The following FHIT variants were observed in gnomAD, a reference collection of about 807,000 sequenced individuals.
FHIT encodes fragile histidine triad diadenosine triphosphatase.
Under a neutral mutation model 17.9 loss-of-function variants are expected in FHIT, and 19 were observed. The observed-to-expected ratio is 1.06, with a 90% CI of 0.74 to 1.56. FHIT has a LOEUF of 1.56. FHIT is among the 40% of genes most tolerant of loss of function. The pLI is 0.00. For missense variants in FHIT, 248 were observed against 189.2 expected (o/e 1.31, Z -1.82); for synonymous variants, 81 against 69.7 (o/e 1.16, Z -0.81).
intron 5 of FHIT, among the ~76,000 whole-genome samples, chr3:60,454,659 T>C (rs963400943): frequency 3.9e-5 from 6 of 152,100 alleles, no homozygotes; most frequent in African/African-American, 1.2e-4. Context: ...GCTGGGATTA[T>C]AGGTGTGAGC....
intron 4 of FHIT, among the ~76,000 whole-genome samples, chr3:60,811,667 A>G (rs782566800): frequency 2.6e-5 from 4 of 152,168 alleles, no homozygotes; most frequent in Non-Finnish European, 5.9e-5. Context: ...GACACCTCAC[A>G]TATAACATGG....
At chr3:60,127,218 G>T (rs1466888428) in intron 5 of FHIT, among the ~76,000 whole-genome samples, 1 of 152,168 alleles carries the variant, frequency 6.6e-6, no homozygotes, top group African/African-American at 2.4e-5. Flanking sequence ...CAACCCAGGG[G>T]AGGCTGACAG....
intron 3 of FHIT, among the ~76,000 whole-genome samples, chr3:60,987,890 C>T (rs536545592): frequency 6.6e-6 from 1 of 152,192 alleles, no homozygotes; most frequent in Non-Finnish European, 1.5e-5. Flanking sequence ...GTCCTTTGTT[C>T]TTGGTGATTT....
chr3:60,408,022 G>A (rs1701936866), intron 5 of FHIT, among the ~76,000 whole-genome samples: 1 of 152,116 alleles, frequency 6.6e-6, no homozygotes, highest in African/African-American at 2.4e-5. Flanking sequence ...ACCAATGACA[G>A]CACATGCCTC....
chr3:60,662,660 T>C (rs1349096491), intron 4 of FHIT, among the ~76,000 whole-genome samples: 1 of 152,202 alleles, frequency 6.6e-6, no homozygotes, highest in African/African-American at 2.4e-5. Flanking sequence ...TTTCACAATA[T>C]TGATTCTATC....
intron 4 of FHIT, among the ~76,000 whole-genome samples, chr3:60,741,865 T>C (rs1332565930): frequency 1.3e-5 from 2 of 152,196 alleles, no homozygotes; most frequent in Non-Finnish European, 2.9e-5. Context: ...TGGTATAATA[T>C]ATGGCAATGT....
intron 8 of FHIT, among the ~76,000 whole-genome samples, chr3:59,815,297 C>A (rs780137662): frequency 1.3e-5 from 2 of 152,044 alleles, no homozygotes; most frequent in Non-Finnish European, 2.9e-5. Context: ...TCAACTAGTA[C>A]AACCACTATG....
chr3:60,254,398 A>T (rs1705878526), intron 5 of FHIT, among the ~76,000 whole-genome samples: 1 of 152,098 alleles, frequency 6.6e-6, no homozygotes, highest in Non-Finnish European at 1.5e-5. Flanking sequence ...AAATAAAATG[A>T]TTTTTCCCAA....
At chr3:60,086,303 T>A (rs1454767274) in intron 5 of FHIT, among the ~76,000 whole-genome samples, 2 of 152,136 alleles carry the variant, frequency 1.3e-5, no homozygotes, top group African/African-American at 4.8e-5. Flanking sequence ...CCACCTCCCA[T>A]CATTGGGGAT....
intron 5 of FHIT, among the ~76,000 whole-genome samples, chr3:60,469,406 A>G (rs1334460331): frequency 6.6e-6 from 1 of 152,014 alleles, no homozygotes; most frequent in Non-Finnish European, 1.5e-5. Context: ...AAGCTCACTA[A>G]TTCTTTGTTT....
chr3:60,655,564 A>G (rs1363157424), intron 4 of FHIT, among the ~76,000 whole-genome samples: 1 of 152,230 alleles, frequency 6.6e-6, no homozygotes, highest in African/African-American at 2.4e-5. Context: ...TTAGGGCTTA[A>G]TGACAGGATG....
chr3:60,971,366 C>A (rs1169506070), intron 3 of FHIT, among the ~76,000 whole-genome samples: 8 of 152,066 alleles, frequency 5.3e-5, no homozygotes, highest in Non-Finnish European at 1.2e-4. Flanking sequence ...TGCATAATAC[C>A]ATCAAATACT....
intron 3 of FHIT, among the ~76,000 whole-genome samples, chr3:60,841,245 G>A (rs139452444): frequency 2.6e-3 from 403 of 152,296 alleles, no homozygotes; most frequent in Non-Finnish European, 4.2e-3. Flanking sequence ...CTGTCAATGT[G>A]TTAAATAAAT....
At chr3:59,867,254 G>C (rs1329248653) in intron 8 of FHIT, among the ~76,000 whole-genome samples, 1 of 149,846 alleles carries the variant, frequency 6.7e-6, no homozygotes, top group African/African-American at 2.5e-5. Flanking sequence ...TATGGAGTTT[G>C]TCCTTCCTGT....
intron 5 of FHIT, among the ~76,000 whole-genome samples, chr3:60,078,180 A>G (rs1309574779): frequency 1.3e-5 from 2 of 152,140 alleles, no homozygotes; most frequent in African/African-American, 4.8e-5. Context: ...TACATTTTCT[A>G]CAAGTATATT....
Position 60,135,309 on chromosome 3 carries a change from A to G in FHIT, c.104-121157T>C, listed in dbSNP as rs192701751. 3.9e-5 allele frequency among the ~76,000 whole-genome samples: 6 copies of G among 152,196 alleles called. No individual in the cohort carries two copies. The East Asian group carries it at 7.7e-4, about 20-fold the overall frequency. On this transcript the variant is annotated intron_variant, in intron 5 of 9. Transcript: ENST00000492590. ...CAGGGACCAGGCAAATAGCATAAATATAAGATTATAGGCGAGAAAATGCTT... is the reference window on the plus strand; with the variant it reads ...CAGGGACCAGGCAAATAGCATAAATGTAAGATTATAGGCGAGAAAATGCTT...
intron 4 of FHIT, among the ~76,000 whole-genome samples, chr3:60,736,415 G>T (rs746304668): frequency 1.3e-5 from 2 of 152,108 alleles, no homozygotes; most frequent in Non-Finnish European, 2.9e-5. Context: ...CTAATGAATG[G>T]ATAAACAAAA....
chr3:60,924,016 C>G (rs1242219649), intron 3 of FHIT, among the ~76,000 whole-genome samples: 1 of 152,110 alleles, frequency 6.6e-6, no homozygotes, highest in Non-Finnish European at 1.5e-5. Context: ...TGGGGAGGGG[C>G]CCCTGCCATT....
rs112083136 is a variant in FHIT at position 60,609,187 on chromosome 3, C to T, written c.-17-72208G>A. Among the ~76,000 whole-genome samples, 774 of 152,290 alleles carry T rather than the reference C, an allele frequency of 5.1e-3. 2 individuals are homozygous for T. The highest frequency in any genetic ancestry group is 0.017 in the African/African-American group (718 of 41,564). ...AAGAAAATAGCATTCCACCTGACAG[C>T]TGCATGAACTCAAGTCTTTCTCATG... On this transcript the variant is annotated intron_variant, in intron 4 of 9. Transcript: ENST00000492590.
Sources: allele counts gnomAD v4.1 joint callset (sites outside exome capture counted in the v4.1 genomes callset), GRCh38; gene constraint gnomAD v4.1.1; transcripts MANE v1.5; gene names NCBI Gene and HGNC (gene_info 2026-07-23, HGNC 2026-07-21).